DSCAM: variants seen among roughly 807,000 people sequenced by gnomAD.
DSCAM encodes cell adhesion molecule DSCAM.
Under a neutral mutation model 217.7 loss-of-function variants are expected in DSCAM, and 47 were observed. The observed-to-expected ratio is 0.22, with a 90% confidence interval of 0.17 to 0.28. The LOEUF (loss-of-function observed/expected upper bound fraction) is 0.28. DSCAM is among the 10% of genes least tolerant of loss of function. DSCAM has a pLI of 1.00. For missense variants in DSCAM, 2,080 were observed against 2,618.3 expected (o/e 0.79, Z 4.49); for synonymous variants, 1,056 against 1,015.3 (o/e 1.04, Z -0.76).
chr21:40,810,022 G>A (rs998169517), intron 1 of DSCAM, among the ~76,000 whole-genome samples: 15 of 152,304 alleles, frequency 9.8e-5, no homozygotes, highest in Admixed American at 7.2e-4. Context: ...AGGAACAGCC[G>A]TCCCCACCAC....
At chr21:40,200,794 G>A (rs146038668) in intron 11 of DSCAM, among the ~76,000 whole-genome samples, 2 of 152,282 alleles carry the variant, frequency 1.3e-5, no homozygotes, top group East Asian at 3.9e-4. Flanking sequence ...AGGCTGTAAT[G>A]AGGATTAATG....
intron 3 of DSCAM, among the ~76,000 whole-genome samples, chr21:40,443,762 C>T (rs965379249): frequency 2.2e-4 from 33 of 152,240 alleles, no homozygotes; most frequent in African/African-American, 7.9e-4. Flanking sequence ...ATTTTCTCTG[C>T]TTTACATCAT....
chr21:40,080,720 C>T (rs915489584), intron 24 of DSCAM, among the ~76,000 whole-genome samples: 5 of 152,126 alleles, frequency 3.3e-5, no homozygotes, highest in African/African-American at 7.2e-5. Flanking sequence ...GCAAGACACT[C>T]GAATCTCTGG....
At chr21:40,081,040 C>T (rs1030281384) in intron 24 of DSCAM, among the ~76,000 whole-genome samples, 1 of 152,184 alleles carries the variant, frequency 6.6e-6, no homozygotes, top group Non-Finnish European at 1.5e-5. Context: ...GGAACAGTGA[C>T]GACTCTCCCA....
chr21:40,351,944 T>TA (rs1400264060), intron 5 of DSCAM, among the ~76,000 whole-genome samples: 12 of 152,100 alleles, frequency 7.9e-5, no homozygotes, highest in Admixed American at 7.9e-4. Flanking sequence ...GCAACATAAG[T>TA]AATGTGACTT....
chr21:40,508,762 TATATATATATATATATA>T (rs2076232868), intron 3 of DSCAM, among the ~76,000 whole-genome samples: 1 of 5,104 alleles, frequency 2.0e-4, no homozygotes, highest in African/African-American at 8.4e-4. Context: ...TATATATATA[TATATATATATATATATA>T]TATATTTTTT....
intron 27 of DSCAM, among the ~76,000 whole-genome samples, chr21:40,066,968 C>G (rs2089215008): frequency 6.6e-6 from 1 of 152,170 alleles, no homozygotes; most frequent in Non-Finnish European, 1.5e-5. Context: ...TCTAGATGCT[C>G]TTTGACTTAC....
intron 3 of DSCAM, among the ~76,000 whole-genome samples, chr21:40,657,164 G>A (rs924204506): frequency 9.2e-5 from 14 of 152,154 alleles, no homozygotes; most frequent in Non-Finnish European, 1.6e-4. Flanking sequence ...TCTCTCCTAG[G>A]TGGATATCTT....
chr21:40,549,848 T>C (rs1341925564), intron 3 of DSCAM, among the ~76,000 whole-genome samples: 1 of 152,204 alleles, frequency 6.6e-6, no homozygotes, highest in Non-Finnish European at 1.5e-5. Context: ...TAAATAATAC[T>C]GTTAACTACC....
intron 32 of DSCAM, among the ~76,000 whole-genome samples, chr21:40,015,492 C>T (rs2088141726): frequency 6.6e-6 from 1 of 150,882 alleles, no homozygotes; most frequent in Non-Finnish European, 1.5e-5. Context: ...TGCAATGGTG[C>T]ATTCATGGCT....
At chr21:40,424,326 G>C (rs1295570430) in intron 3 of DSCAM, among the ~76,000 whole-genome samples, 1 of 152,190 alleles carries the variant, frequency 6.6e-6, no homozygotes, top group East Asian at 1.9e-4. Context: ...ATGGGTGCCA[G>C]TTCAATATAA....
At chr21:40,650,915 A>G (rs2090005757) in intron 3 of DSCAM, among the ~76,000 whole-genome samples, 1 of 152,176 alleles carries the variant, frequency 6.6e-6, no homozygotes, top group African/African-American at 2.4e-5. Context: ...CTCCATCATA[A>G]ACAAATAAAG....
At chr21:40,651,179 A>G (rs2090008761) in intron 3 of DSCAM, among the ~76,000 whole-genome samples, 1 of 151,984 alleles carries the variant, frequency 6.6e-6, no homozygotes, top group Non-Finnish European at 1.5e-5. Context: ...ACACAGACCA[A>G]CTCCAGGCCC....
intron 3 of DSCAM, among the ~76,000 whole-genome samples, chr21:40,511,439 CAT>C (rs1237889719): frequency 1.3e-5 from 2 of 152,088 alleles, no homozygotes; most frequent in African/African-American, 4.8e-5. Flanking sequence ...ATAAATTTAG[CAT>C]ATGTTACTTA....
intron 1 of DSCAM, among the ~76,000 whole-genome samples, chr21:40,759,841 A>C (rs2091313075): frequency 6.6e-6 from 1 of 151,788 alleles, no homozygotes; most frequent in African/African-American, 2.4e-5. Flanking sequence ...TATCTCCATC[A>C]CTGTCCCAGA....
chr21:40,141,999 C>CAT (rs956528094), intron 18 of DSCAM, among the ~76,000 whole-genome samples: 1 of 151,158 alleles, frequency 6.6e-6, no homozygotes, highest in African/African-American at 2.4e-5. Flanking sequence ...CACACACACA[C>CAT]GATAAAGAAC....
intron 8 of DSCAM, among the ~76,000 whole-genome samples, chr21:40,324,324 A>T (rs1046556809): frequency 6.6e-6 from 1 of 152,078 alleles, no homozygotes; most frequent in African/African-American, 2.4e-5. Context: ...TGCAAGTTGG[A>T]TACAATAAAG....
At chr21:40,775,768 C>T (rs1483594552) in intron 1 of DSCAM, among the ~76,000 whole-genome samples, 1 of 152,140 alleles carries the variant, frequency 6.6e-6, no homozygotes, top group Non-Finnish European at 1.5e-5. Flanking sequence ...TTGGAACTTC[C>T]TCAATAAATG....
chr21:40,574,536 A>G (rs1009904924), intron 3 of DSCAM, among the ~76,000 whole-genome samples: 1 of 152,234 alleles, frequency 6.6e-6, no homozygotes, highest in Non-Finnish European at 1.5e-5. Flanking sequence ...GAATTATTGG[A>G]AACATTCCCC....
Sources: allele counts gnomAD v4.1 joint callset (sites outside exome capture counted in the v4.1 genomes callset), GRCh38; gene constraint gnomAD v4.1.1; transcripts MANE v1.5; gene names NCBI Gene and HGNC (gene_info 2026-07-23, HGNC 2026-07-21).